The following NDUFA9 variants were observed in gnomAD, a reference collection of about 807,000 sequenced individuals.
NDUFA9 encodes the protein NADH:ubiquinone oxidoreductase subunit A9.
NDUFA9 carries 23 observed loss-of-function variants against 45.9 expected under a neutral mutation model. That is an observed-to-expected ratio of 0.50 (90% CI 0.36 to 0.71). The LOEUF (loss-of-function observed/expected upper bound fraction) is 0.71, where lower values mean the gene tolerates loss of function less well. Among genes scored for constraint, NDUFA9 ranks in the 30% least tolerant of loss-of-function variants. The pLI is 0.00. For missense variants in NDUFA9, 466 were observed against 488.2 expected, an observed-to-expected ratio of 0.95 and a Z score of 0.43; for synonymous variants, 176 against 170.5, an observed-to-expected ratio of 1.03 and a Z score of -0.25.
rs1057220785 is a variant in NDUFA9, at chr12:4,651,586, T to A, written c.49+2411T>A. 2.0e-5 allele frequency among the ~76,000 whole-genome samples: 3 copies of A among 152,308 alleles called. No homozygotes were observed. In the East Asian group the frequency reaches 5.8e-4, roughly 29 times the overall value. On this transcript the variant is annotated intron_variant, in intron 1 of 10. Coordinates refer to ENST00000266544, the MANE Select transcript of NDUFA9 (RefSeq NM_005002.5). Reference sequence around the variant, plus strand: ...TTCAAAGTAATAAAAGCAACTATTATTCATAGAATGCTTAATGTGCTCTAG... The same window carrying A: ...TTCAAAGTAATAAAAGCAACTATTAATCATAGAATGCTTAATGTGCTCTAG...
chr12:4,656,548 C>T (rs976922766), intron 3 of NDUFA9, among the ~76,000 whole-genome samples: 1 of 152,150 alleles, frequency 6.6e-6, no homozygotes, highest in Admixed American at 6.5e-5. Context: ...TGTTTATTTT[C>T]GAGAAGGACT....
At position 4,654,416 on chromosome 12, in the gene NDUFA9, G is replaced by A; in HGVS notation, c.174G>A (p.Val58=). 6.2e-7 allele frequency: 1 copy of A among 1,614,124 alleles called. No individual in the cohort carries two copies. Among genetic ancestry groups the A allele is most frequent in the Non-Finnish European group, 8.5e-7 (1 of 1,179,992 alleles). ...CAGTCAGTGGGATTGTGGCCACTGT[G>A]TTTGGAGCAACAGGATTCCTGGGGC... ...RSSVSGIVAT[V]FGATGFLGRY... is the part of the protein sequence containing the mutation. Residue 58 remains valine (V), a synonymous_variant, in exon 2 of 11, where the codon GTG becomes GTA. Transcript: ENST00000266544.
rs71579257 is a variant in NDUFA9 at position 4,686,919 on chromosome 12, G to T, written c.964-19G>T. Reference sequence around the variant, plus strand: ...CAGCCAGTTTTCAGCATTGTCTGTGGTCCTTTGTTTATCCAAAGATGCACA... The same window carrying T: ...CAGCCAGTTTTCAGCATTGTCTGTGTTCCTTTGTTTATCCAAAGATGCACA... On this transcript the variant is annotated intron_variant, in intron 10 of 10. Coordinates refer to ENST00000266544, the MANE Select transcript of NDUFA9 (RefSeq NM_005002.5). The T allele has an allele frequency of 5.0e-6, 8 of 1,611,470 alleles. No individual in the cohort carries two copies. The East Asian group carries it at 1.6e-4, about 31-fold the overall frequency.
In NDUFA9 at chr12:4,657,694, T is replaced by C. The variant is rs1254650849; in HGVS notation, c.319-54T>C. 2.3e-6 allele frequency: 3 copies of C among 1,311,428 alleles called. No homozygotes were observed. In the East Asian group the frequency reaches 6.9e-5, roughly 30 times the overall value. The allele number at this position is 1,311,428 out of a possible 1,614,324, so 81.2% of individuals were successfully genotyped here. The stretch of plus-strand genomic sequence containing the variant: ...TGCATTGAGGAGGCTGCAGAAGTGT[T>C]GAGTGCTGAGGTATACCCCTATGTT... On this transcript the variant is annotated intron_variant, in intron 3 of 10. Transcript: ENST00000266544.
chr12:4,671,310 A>C (rs1022619747), intron 8 of NDUFA9, among the ~76,000 whole-genome samples: 1 of 152,228 alleles, frequency 6.6e-6, no homozygotes, highest in African/African-American at 2.4e-5. Flanking sequence ...CAAAATCACG[A>C]TGTATAAGAT....
intron 9 of NDUFA9, among the ~76,000 whole-genome samples, chr12:4,683,019 A>G (rs1945963020): frequency 6.6e-6 from 1 of 152,044 alleles, no homozygotes; most frequent in Non-Finnish European, 1.5e-5. Flanking sequence ...GCTTCCAGTG[A>G]GCTGAGATTG....
intron 6 of NDUFA9, among the ~76,000 whole-genome samples, chr12:4,665,997 G>C (rs908025277): frequency 6.6e-6 from 1 of 151,984 alleles, no homozygotes; most frequent in Non-Finnish European, 1.5e-5. Flanking sequence ...GTAGAGACAG[G>C]TCTTGCTCTC....
Position 4,693,846 on chromosome 12 carries a change from A to C in NDUFA9, c.*6738A>C, listed in dbSNP as rs568097380. 1.2e-4 allele frequency: 18 copies of C among 152,232 alleles called. No homozygotes were observed. The highest frequency in any genetic ancestry group is 1.0e-3 in the Admixed American group (16 of 15,280). 9.4% of individuals were successfully genotyped at this position (152,232 alleles called of 1,614,324 possible). On this transcript the variant is annotated 3_prime_UTR_variant, in exon 11 of 11. Transcript: ENST00000266544. ...ATTAAGGAATCGTAAGGGAATCGAG[A>C]TTATCTAGTTTCCCCTCGACATTTT...
chr12:4,667,473 A>G, intron 6 of NDUFA9: 1 of 160,884 alleles, frequency 6.2e-6, no homozygotes, highest in Non-Finnish European at 1.3e-5. Flanking sequence ...ATTTTTAAGT[A>G]TTTTATTCTT....
intron 6 of NDUFA9, 84 bp downstream of exon 6, chr12:4,662,719 GAC>G: frequency 2.8e-6 from 3 of 1,058,408 alleles, no homozygotes; most frequent in Non-Finnish European, 4.3e-6. Context: ...TTCTCTGATT[GAC>G]AGACTAAGGA....
At chr12:4,679,522 T>A (rs950072273) in intron 8 of NDUFA9, among the ~76,000 whole-genome samples, 2 of 152,084 alleles carry the variant, frequency 1.3e-5, no homozygotes, top group Non-Finnish European at 2.9e-5. Flanking sequence ...AAAAGGAAAG[T>A]CCAGTTAATT....
chr12:4,656,071 T>C (rs1301462201), intron 3 of NDUFA9: 1 of 152,250 alleles, frequency 6.6e-6, no homozygotes, highest in Non-Finnish European at 1.5e-5. Context: ...AAATACTTGC[T>C]AAACTTTCTT....
intron 9 of NDUFA9, among the ~76,000 whole-genome samples, chr12:4,684,401 G>C (rs1375193221): frequency 6.6e-6 from 1 of 152,192 alleles, no homozygotes; most frequent in Non-Finnish European, 1.5e-5. Flanking sequence ...CTCAACGCAT[G>C]TACTCCCAAA....
At chr12:4,652,652 C>T (rs575613643) in intron 1 of NDUFA9, among the ~76,000 whole-genome samples, 1 of 152,258 alleles carries the variant, frequency 6.6e-6, no homozygotes, top group Non-Finnish European at 1.5e-5. Context: ...CATGGGACTG[C>T]TTTTTAATCT....
rs1356912030 is a variant in NDUFA9 at position 4,678,312 on chromosome 12, TAA to T, written c.801-3887_801-3886del. ...AAAAAAATTTCAATTGGTAAAAATG[TAA>T]AAAAATAAATAAAAGAGTTATAAAA... On this transcript the variant is annotated intron_variant, in intron 8 of 10. Coordinates refer to ENST00000266544, the MANE Select transcript of NDUFA9 (RefSeq NM_005002.5). Among the ~76,000 whole-genome samples the T allele has an allele frequency of 2.0e-5, 3 of 151,836 alleles. No homozygotes were observed. The East Asian group carries it at 5.8e-4, about 29-fold the overall frequency.
At chr12:4,653,226 G>A (rs377626319) in intron 1 of NDUFA9, among the ~76,000 whole-genome samples, 1 of 152,242 alleles carries the variant, frequency 6.6e-6, no homozygotes, top group East Asian at 1.9e-4. Context: ...GACAGGGAAT[G>A]TTTAACCTGG....
At chr12:4,679,926 T>C (rs1945942741) in intron 8 of NDUFA9, among the ~76,000 whole-genome samples, 1 of 152,116 alleles carries the variant, frequency 6.6e-6, no homozygotes, top group African/African-American at 2.4e-5. Flanking sequence ...CCTTCAGGAA[T>C]TGAGAGGAGT....
intron 8 of NDUFA9, among the ~76,000 whole-genome samples, chr12:4,676,681 T>A (rs1945921894): frequency 6.6e-6 from 1 of 152,212 alleles, no homozygotes; most frequent in Non-Finnish European, 1.5e-5. Flanking sequence ...CATTCCATGA[T>A]CATGGATAGA....
In NDUFA9 at chr12:4,662,622, T is replaced by C. The variant is rs1450285334; in HGVS notation, c.642T>C (p.Leu214=). ...SDIFGREDRF[L]NSFASMHRFG... Reference sequence around the variant, plus strand: ...TCTTTGGAAGAGAGGATAGATTCCTTAATTCTTTTGCAAGTACGTATTCTT... The same window carrying C: ...TCTTTGGAAGAGAGGATAGATTCCTCAATTCTTTTGCAAGTACGTATTCTT... The change falls in exon 6 of 11, where the codon CTT becomes CTC. Residue 214 remains leucine, a synonymous_variant. Transcript: ENST00000266544. The C allele has an allele frequency of 3.7e-6, 6 of 1,613,094 alleles. No homozygotes were observed. The African/African-American group carries it at 4.0e-5, about 11-fold the overall frequency.
Sources: allele counts gnomAD v4.1 joint callset (sites outside exome capture counted in the v4.1 genomes callset), GRCh38; gene constraint gnomAD v4.1.1; transcripts MANE v1.5; gene names NCBI Gene and HGNC (gene_info 2026-07-23, HGNC 2026-07-21).